SMYD3: variants seen among roughly 807,000 people sequenced by gnomAD.
The protein encoded by SMYD3 is histone-lysine N-methyltransferase SMYD3.
A neutral mutation model predicts 57.7 loss-of-function variants in SMYD3; 36 were observed. That is an observed-to-expected ratio of 0.62 (90% CI 0.48 to 0.82). The LOEUF (loss-of-function observed/expected upper bound fraction) is 0.82. Ranked by LOEUF, SMYD3 falls within the 40% of genes least tolerant of loss-of-function variation. The pLI is 0.00. For missense variants in SMYD3, 515 were observed against 538.8 expected (o/e 0.96, Z 0.44); for synonymous variants, 211 against 195.0 (o/e 1.08, Z -0.68).
chr1:246,183,218 G>A (rs1357453845), intron 5 of SMYD3, among the ~76,000 whole-genome samples: 1 of 152,012 alleles, frequency 6.6e-6, no homozygotes, highest in East Asian at 1.9e-4. Context: ...AATGAAATCT[G>A]CATGTAAACG....
chr1:245,965,949 T>C (rs2148007449), intron 5 of SMYD3, among the ~76,000 whole-genome samples: 1 of 152,242 alleles, frequency 6.6e-6, no homozygotes, highest in South Asian at 2.1e-4. Flanking sequence ...GTTTGGGATG[T>C]TTATGATGAT....
intron 1 of SMYD3, among the ~76,000 whole-genome samples, chr1:246,495,966 AAAT>A (rs36118885): frequency 6.7e-6 from 1 of 148,860 alleles, no homozygotes; most frequent in African/African-American, 2.5e-5. Context: ...TCACCTCAAA[AAAT>A]AATAATAATA....
rs111657622 is a variant in SMYD3 at position 246,119,413 on chromosome 1, CTTT to C, written c.532-189479_532-189477del. 1.4e-4 allele frequency among the ~76,000 whole-genome samples: 18 copies of C among 130,180 alleles called. No homozygotes were observed. The South Asian group carries it at 1.6e-3, about 12-fold the overall frequency. The allele number at this position is 130,180 out of a possible 152,430, so 85.4% of individuals were successfully genotyped here. On this transcript the variant is annotated intron_variant, in intron 5 of 11. Transcript: ENST00000490107. ...AAAACACTCACTCTTTTTGTTCTTT[CTTT>C]TTTTTTTTTTTTTTGAGATGGAATC...
At chr1:246,010,896 C>T (rs1218958882) in intron 5 of SMYD3, among the ~76,000 whole-genome samples, 1 of 152,138 alleles carries the variant, frequency 6.6e-6, no homozygotes, top group Non-Finnish European at 1.5e-5. Context: ...GTGTGCTTAT[C>T]CTAGTTTGAC....
chr1:246,198,517 T>C (rs1473953338), intron 5 of SMYD3, among the ~76,000 whole-genome samples: 2 of 152,186 alleles, frequency 1.3e-5, no homozygotes, highest in African/African-American at 2.4e-5. Flanking sequence ...ACATAGTATG[T>C]TATTCATCTT....
At chr1:246,445,934 C>G (rs1314259724) in intron 1 of SMYD3, among the ~76,000 whole-genome samples, 1 of 151,974 alleles carries the variant, frequency 6.6e-6, no homozygotes, top group Admixed American at 6.6e-5. Flanking sequence ...TACTGTACAT[C>G]TGATAAGACT....
intron 10 of SMYD3, among the ~76,000 whole-genome samples, chr1:245,767,769 TC>T (rs1485441485): frequency 2.0e-5 from 3 of 152,136 alleles, no homozygotes; most frequent in Non-Finnish European, 2.9e-5. Flanking sequence ...AGCTAGGAAC[TC>T]TGGACTTCTC....
intron 5 of SMYD3, among the ~76,000 whole-genome samples, chr1:246,149,258 T>C (rs1278926183): frequency 1.3e-5 from 2 of 152,178 alleles, no homozygotes; most frequent in Admixed American, 6.5e-5. Context: ...GATGCAGAAA[T>C]GTTGAGTGAC....
chr1:246,136,913 C>T (rs907424101), intron 5 of SMYD3, among the ~76,000 whole-genome samples: 2 of 152,184 alleles, frequency 1.3e-5, no homozygotes, highest in Admixed American at 6.5e-5. Flanking sequence ...ACAGACCTAA[C>T]TAAAAGCAAT....
chr1:246,006,406 C>T (rs1359359411), intron 5 of SMYD3, among the ~76,000 whole-genome samples: 1 of 152,008 alleles, frequency 6.6e-6, no homozygotes, highest in Admixed American at 6.6e-5. Context: ...GGTTCCTCTT[C>T]CTACCAAAGG....
chr1:246,319,773 A>T (rs543576355), intron 5 of SMYD3, among the ~76,000 whole-genome samples: 70 of 152,342 alleles, frequency 4.6e-4, no homozygotes, highest in African/African-American at 1.7e-3. Flanking sequence ...GATGGTTAAC[A>T]GAACTGAAAA....
chr1:246,327,513 A>G (rs1219365987), intron 4 of SMYD3, among the ~76,000 whole-genome samples, 176 bp from the exon 5 acceptor site: 2 of 152,246 alleles, frequency 1.3e-5, no homozygotes, highest in Non-Finnish European at 2.9e-5. Flanking sequence ...ATATGTTATC[A>G]ATTAAATTCT....
intron 5 of SMYD3, among the ~76,000 whole-genome samples, chr1:246,120,757 C>T (rs1360645457): frequency 6.6e-6 from 1 of 152,180 alleles, no homozygotes; most frequent in Non-Finnish European, 1.5e-5. Flanking sequence ...TCCAACCCAA[C>T]CATCCCTCCT....
rs541783815 is a variant in SMYD3, at chr1:245,891,024, T to C, written c.813+24506A>G. Reference sequence around the variant, plus strand: ...TTGTAGGAGCTAAAAATTAAAAGAATTTAACTCATGGAGATAGAGAGTAGA... The same window carrying C: ...TTGTAGGAGCTAAAAATTAAAAGAACTTAACTCATGGAGATAGAGAGTAGA... On this transcript the variant is annotated intron_variant, in intron 8 of 11. Transcript: ENST00000490107. 3.3e-5 allele frequency among the ~76,000 whole-genome samples: 5 copies of C among 152,310 alleles called. No individual in the cohort carries two copies. The East Asian group carries it at 5.8e-4, about 18-fold the overall frequency.
intron 5 of SMYD3, among the ~76,000 whole-genome samples, chr1:246,254,953 G>A (rs1429259296): frequency 6.6e-6 from 1 of 152,114 alleles, no homozygotes; most frequent in African/African-American, 2.4e-5. Context: ...GTATAAAAAC[G>A]TTACTGATTT....
At chr1:246,364,664 AC>A (rs1246595129) in intron 1 of SMYD3, among the ~76,000 whole-genome samples, 1 of 152,226 alleles carries the variant, frequency 6.6e-6, no homozygotes, top group African/African-American at 2.4e-5. Flanking sequence ...CCCTGAAAGA[AC>A]AGAAGTGAGT....
At chr1:246,327,150 G>A (rs3737247) in intron 5 of SMYD3, 51 bp downstream of exon 5, 937,092 of 1,603,950 alleles carry the variant, frequency 0.58, 281,778 homozygotes, top group Middle Eastern at 0.67. Flanking sequence ...AACAAAATAA[G>A]GAGCAAATGG....
At chr1:245,973,246 T>A (rs996481138) in intron 5 of SMYD3, among the ~76,000 whole-genome samples, 1 of 152,210 alleles carries the variant, frequency 6.6e-6, no homozygotes, top group African/African-American at 2.4e-5. Context: ...AAAACAGCCA[T>A]CATCATTGTT....
chr1:245,985,296 C>T (rs2058681063), intron 5 of SMYD3, among the ~76,000 whole-genome samples: 1 of 152,158 alleles, frequency 6.6e-6, no homozygotes, highest in Admixed American at 6.5e-5. Flanking sequence ...CCTAATGGCT[C>T]TCAAATCTAG....
Sources: allele counts gnomAD v4.1 joint callset (sites outside exome capture counted in the v4.1 genomes callset), GRCh38; gene constraint gnomAD v4.1.1; transcripts MANE v1.5; gene names NCBI Gene and HGNC (gene_info 2026-07-23, HGNC 2026-07-21).